The following SMARCAL1 variants were observed in gnomAD, a reference collection of about 807,000 sequenced individuals.
SMARCAL1 encodes ATP-driven annealing helicase.
In SMARCAL1, 58 loss-of-function variants were observed where a neutral mutation model predicts 94.5. That is an observed-to-expected ratio of 0.61 (90% CI 0.50 to 0.76). SMARCAL1 has a LOEUF of 0.76. Ranked by LOEUF, SMARCAL1 falls within the 30% of genes least tolerant of loss-of-function variation. The pLI is 0.00. For synonymous variants in SMARCAL1, 422 were observed against 455.1 expected (o/e 0.93, Z 0.93); for missense variants, 1,051 against 1,177.9 (o/e 0.89, Z 1.58).
chr2:216,447,166 T>C lies in SMARCAL1; in HGVS notation c.1851+8T>C, dbSNP rs994058508. 1.2e-6 allele frequency: 2 copies of C among 1,613,798 alleles called. No individual in the cohort carries two copies. Among genetic ancestry groups the C allele is most frequent in the Non-Finnish European group, 1.7e-6 (2 of 1,179,984 alleles). On this transcript the variant is annotated splice_region_variant and intron_variant, in intron 11 of 17. Transcript: ENST00000357276. Reference sequence around the variant, plus strand: ...TACTGTGATGCCAAACGGGTATGTATTATCTCTTCCCTCCCAGCCCACCCA... The same window carrying C: ...TACTGTGATGCCAAACGGGTATGTACTATCTCTTCCCTCCCAGCCCACCCA...
intron 12 of SMARCAL1, among the ~76,000 whole-genome samples, chr2:216,452,294 T>G (rs1694466878): frequency 6.6e-6 from 1 of 152,228 alleles, no homozygotes. Context: ...TTTTTAGAGA[T>G]AAAAATGCAA....
chr2:216,478,059 T>G (rs1047471655), intron 16 of SMARCAL1, 144 bp from the exon 17 acceptor site: 10 of 758,880 alleles, frequency 1.3e-5, no homozygotes, highest in Non-Finnish European at 2.1e-5. Flanking sequence ...TTTTTCAAGA[T>G]GGGTGTTTGC....
chr2:216,476,866 C>CT (rs1327505253), intron 15 of SMARCAL1, among the ~76,000 whole-genome samples: 15 of 152,352 alleles, frequency 9.8e-5, no homozygotes, highest in African/African-American at 3.6e-4. Flanking sequence ...TGCAGATCTT[C>CT]TGCTTCAGAT....
In SMARCAL1 at chr2:216,427,851, CAT is replaced by C. The variant is rs528632571; in HGVS notation, c.1148-742_1148-741del. Among the ~76,000 whole-genome samples the C allele has an allele frequency of 2.1e-3, 323 of 152,276 alleles. 2 individuals carry two copies. Among genetic ancestry groups the C allele is most frequent in the Middle Eastern group, 3.4e-3 (1 of 294 alleles). ...ATCACTTGTGAGGGTATTCAGAAAA[CAT>C]ATGATCACACATGTTTTATGTACGT... On this transcript the variant is annotated intron_variant, in intron 6 of 17. Coordinates refer to ENST00000357276, the MANE Select transcript of SMARCAL1 (RefSeq NM_014140.4).
intron 12 of SMARCAL1, among the ~76,000 whole-genome samples, chr2:216,451,954 T>C (rs1694459961): frequency 6.7e-6 from 1 of 150,318 alleles, no homozygotes; most frequent in African/African-American, 2.5e-5. Flanking sequence ...GGTTACAAAA[T>C]AAATAAGAAT....
At chr2:216,434,462 A>C (rs998666084) in intron 8 of SMARCAL1, among the ~76,000 whole-genome samples, 1 of 152,188 alleles carries the variant, frequency 6.6e-6, no homozygotes, top group African/African-American at 2.4e-5. Flanking sequence ...AAAGAGTCGC[A>C]TTCTTTCCCT....
chr2:216,468,324 T>TAA (rs1252617318), intron 14 of SMARCAL1, among the ~76,000 whole-genome samples: 4 of 152,262 alleles, frequency 2.6e-5, no homozygotes, highest in Non-Finnish European at 5.9e-5. Flanking sequence ...CATAAATAAT[T>TAA]ACAAAGTTGG....
intron 11 of SMARCAL1, among the ~76,000 whole-genome samples, chr2:216,447,783 C>T (rs751545279): frequency 6.6e-6 from 1 of 152,214 alleles, no homozygotes; most frequent in Non-Finnish European, 1.5e-5. Flanking sequence ...GACCTACAGT[C>T]GGCACTCCAG....
At chr2:216,465,891 G>C (rs1694820383) in intron 13 of SMARCAL1, among the ~76,000 whole-genome samples, 1 of 152,144 alleles carries the variant, frequency 6.6e-6, no homozygotes, top group Admixed American at 6.5e-5. Flanking sequence ...ACTGTGGCAA[G>C]AGAGCTCCCC....
At chr2:216,471,339 A>G (rs1397707975) in intron 14 of SMARCAL1, among the ~76,000 whole-genome samples, 1 of 152,060 alleles carries the variant, frequency 6.6e-6, no homozygotes, top group Non-Finnish European at 1.5e-5. Flanking sequence ...TTTCTGTGAC[A>G]CATACACAGT....
intron 11 of SMARCAL1, 87 bp downstream of exon 11, chr2:216,447,245 T>G: frequency 1.2e-5 from 17 of 1,474,808 alleles, no homozygotes; most frequent in Non-Finnish European, 1.3e-5. Flanking sequence ...CTGGCCATGA[T>G]ATGGTCAGAA....
intron 14 of SMARCAL1, among the ~76,000 whole-genome samples, chr2:216,472,175 C>T (rs924955553): frequency 6.6e-5 from 10 of 152,024 alleles, no homozygotes; most frequent in African/African-American, 1.9e-4. Context: ...GACAACATGG[C>T]GGAACCCCAT....
In SMARCAL1 at chr2:216,414,643, A is replaced by G. The variant is rs1693544357; in HGVS notation, c.-58-4A>G. The G allele has an allele frequency of 4.9e-6, 7 of 1,421,548 alleles. No homozygotes were observed. Among genetic ancestry groups the G allele is most frequent in the Non-Finnish European group, 6.0e-6 (6 of 1,005,444 alleles). The allele number at this position is 1,421,548 out of a possible 1,614,324, so 88.1% of individuals were successfully genotyped here. A position where few individuals can be genotyped will look rare whatever the true frequency, so the allele number is the denominator to read the frequency against. On this transcript the variant is annotated splice_region_variant and splice_polypyrimidine_tract_variant and intron_variant, in intron 2 of 17. Transcript: ENST00000357276. ...CATTTCATTCTTCTTACTTTCTTCC[A>G]CAGCTTTTGCCAACTTTCCAATTAA...
At chr2:216,454,992 A>G (rs1334505266) in intron 12 of SMARCAL1, among the ~76,000 whole-genome samples, 3 of 152,176 alleles carry the variant, frequency 2.0e-5, no homozygotes, top group Admixed American at 6.5e-5. Flanking sequence ...AAATCGGGTC[A>G]CTCCCACCCT....
intron 11 of SMARCAL1, among the ~76,000 whole-genome samples, chr2:216,448,687 C>T (rs947334986): frequency 6.6e-5 from 10 of 152,116 alleles, no homozygotes; most frequent in African/African-American, 2.2e-4. Context: ...AAAATTTTTG[C>T]CGCATGCAGC....
chr2:216,462,064 GGGGTTGGTAC>G (rs1463179504), intron 12 of SMARCAL1, among the ~76,000 whole-genome samples: 2 of 152,106 alleles, frequency 1.3e-5, no homozygotes, highest in African/African-American at 4.8e-5. Context: ...ATATTTAAAG[GGGGTTGGTAC>G]GTTTTGCTGC....
intron 6 of SMARCAL1, among the ~76,000 whole-genome samples, 169 bp downstream of exon 6, chr2:216,423,852 T>C (rs1364180697): frequency 1.3e-5 from 2 of 152,150 alleles, no homozygotes; most frequent in Admixed American, 6.5e-5. Flanking sequence ...TCCACTGAGA[T>C]GGTGGCTTTA....
chr2:216,417,877 A>C (rs1024045564), intron 4 of SMARCAL1, among the ~76,000 whole-genome samples: 1 of 152,174 alleles, frequency 6.6e-6, no homozygotes, highest in African/African-American at 2.4e-5. Context: ...ATGGTGACTT[A>C]GATGACTTCT....
chr2:216,443,406 T>C (rs1435713644), intron 10 of SMARCAL1, among the ~76,000 whole-genome samples: 1 of 151,954 alleles, frequency 6.6e-6, no homozygotes, highest in Non-Finnish European at 1.5e-5. Flanking sequence ...GGCATAGCTT[T>C]AATCAGCTAT....
Sources: allele counts gnomAD v4.1 joint callset (sites outside exome capture counted in the v4.1 genomes callset), GRCh38; gene constraint gnomAD v4.1.1; transcripts MANE v1.5; gene names NCBI Gene and HGNC (gene_info 2026-07-23, HGNC 2026-07-21).